MED16: variants seen among roughly 807,000 people sequenced by gnomAD.
The protein encoded by MED16 is mediator of RNA polymerase II transcription subunit 16.
MED16 carries 81 observed loss-of-function variants against 84.4 expected under a neutral mutation model. That is an observed-to-expected ratio of 0.96 (90% CI 0.80 to 1.15). The LOEUF (loss-of-function observed/expected upper bound fraction) is 1.15. MED16 is among the 50% of genes most tolerant of loss of function. MED16 has a pLI of 0.00. For missense variants in MED16, 1,585 were observed against 1,245.9 expected, an observed-to-expected ratio of 1.27 and a Z score of -4.10; for synonymous variants, 897 against 552.2, an observed-to-expected ratio of 1.62 and a Z score of -8.76.
At chr19:880,266 C>T (rs1345211359) in intron 7 of MED16, 118 bp from the exon 8 acceptor site, 22 of 920,736 alleles carry the variant, frequency 2.4e-5, no homozygotes, top group Non-Finnish European at 3.2e-5. Flanking sequence ...GGGGTCAGCC[C>T]CCGCCAATCG....
chr19:890,896 G>C (rs140168220), intron 2 of MED16, 67 bp downstream of exon 2: 1 of 1,536,396 alleles, frequency 6.5e-7, no homozygotes, highest in Non-Finnish European at 8.8e-7. Flanking sequence ...GCAGTGGGCC[G>C]GGCACCTGGG....
In MED16 at chr19:873,420, GC is replaced by G. The variant is rs770949420; in HGVS notation, c.1905+28del. 2.5e-6 allele frequency: 4 copies of G among 1,595,376 alleles called. No homozygotes were observed. In the South Asian group the frequency reaches 3.3e-5, roughly 13 times the overall value. ...GATGAGATGGGGGCCCAGGTGGGGG[GC>G]GGGGCCTTAGGGGAGAGCATGGCGC... is the stretch of plus-strand genomic sequence containing the variant. On this transcript the variant is annotated intron_variant, in intron 11 of 15. Coordinates refer to ENST00000325464, the MANE Select transcript of MED16 (RefSeq NM_005481.3).
chr19:876,826 C>T lies in MED16; in HGVS notation c.1560+148G>A, dbSNP rs970108589. ...TGCTGGCACTTTACTGACCACGGGG[C>T]CCCTGCCTGCCACAGGGACAGCCCC... is the stretch of plus-strand genomic sequence containing the variant. On this transcript the variant is annotated intron_variant, in intron 9 of 15. Coordinates refer to ENST00000325464, the MANE Select transcript of MED16 (RefSeq NM_005481.3). 11 of 724,262 alleles carry T rather than the reference C, an allele frequency of 1.5e-5. 1 individual carries two copies. The Admixed American group carries it at 3.1e-4, about 20-fold the overall frequency. The allele number at this position is 724,262 out of a possible 1,614,324, so 44.9% of individuals were successfully genotyped here. A position where few individuals can be genotyped will look rare whatever the true frequency, so the allele number is the denominator to read the frequency against.
At chr19:879,659 T>G (rs28414042) in intron 8 of MED16, among the ~76,000 whole-genome samples, 9 of 89,774 alleles carry the variant, frequency 1.0e-4, no homozygotes, top group Admixed American at 2.2e-4. Flanking sequence ...GTTCCCCTGG[T>G]TGTCAATGCC....
At chr19:871,728 G>C in intron 12 of MED16, 198 bp downstream of exon 12, 2 of 1,123,736 alleles carry the variant, frequency 1.8e-6, no homozygotes, top group Non-Finnish European at 1.3e-6. Flanking sequence ...TCTGGCGGGG[G>C]GCTCAGGCAG....
chr19:892,936 G>A (rs1222418147), intron 1 of MED16, 150 bp downstream of exon 1: 1 of 114,378 alleles, frequency 8.7e-6, no homozygotes, highest in African/African-American at 3.4e-5. Flanking sequence ...CCCGCGCCCC[G>A]CGCCCCAGGC....
At position 890,263 on chromosome 19, in the gene MED16, G is replaced by C. The variant is rs777383203; in HGVS notation, c.170-19C>G. 1 of 1,496,088 alleles carries C rather than the reference G, an allele frequency of 6.7e-7. No homozygotes were observed. The highest frequency in any genetic ancestry group is 2.2e-5 in the Admixed American group (1 of 45,214). 92.7% of individuals were successfully genotyped at this position (1,496,088 alleles called of 1,614,324 possible). ...GTCAGGTCTGTGGGGACGGGGCATG[G>C]TCAGCACGGCCTGGCACCACAGCCT... is the stretch of plus-strand genomic sequence containing the variant. On this transcript the variant is annotated intron_variant, in intron 2 of 15. Transcript: ENST00000325464.
intron 14 of MED16, 76 bp downstream of exon 14, chr19:868,787 T>C (rs1223845976): frequency 2.8e-6 from 4 of 1,447,350 alleles, no homozygotes; most frequent in South Asian, 2.5e-5. Flanking sequence ...TCTGGAGCGC[T>C]GGGTGGGGGC....
In MED16 at chr19:875,284, G is replaced by T; in HGVS notation, c.1731C>A (p.Gly577=). 6.5e-7 allele frequency: 1 copy of T among 1,531,432 alleles called. No homozygotes were observed. The highest frequency in any genetic ancestry group is 8.8e-7 in the Non-Finnish European group (1 of 1,141,866). The allele number at this position is 1,531,432 out of a possible 1,614,324, so 94.9% of individuals were successfully genotyped here. A position where few individuals can be genotyped will look rare whatever the true frequency, so the allele number is the denominator to read the frequency against. ...TGGTGCAGATCTCGGTCAGCCGGTC[G>T]CCGGGGCTCTTGTCAGGCGTGTTGA... ...HFLNTPDKSP[G]DRLTEICTKI... The change falls in exon 10 of 16, where the codon GGC becomes GGA. Residue 577 remains glycine, a synonymous_variant. Transcript: ENST00000325464.
At position 868,261 on chromosome 19, in the gene MED16, G is replaced by A. The variant is rs369584567; in HGVS notation, c.2484-10C>T. On this transcript the variant is annotated splice_polypyrimidine_tract_variant and intron_variant, in intron 15 of 15. Coordinates refer to ENST00000325464, the MANE Select transcript of MED16 (RefSeq NM_005481.3). ...ACGGCCTTCAACAGCCCTGCAGGGC[G>A]GGCTGAGGTTAACCGCGCCGAGGAG... The A allele has an allele frequency of 7.8e-5, 125 of 1,593,166 alleles. 1 individual carries two copies. Among genetic ancestry groups the A allele is most frequent in the East Asian group, 3.6e-4 (16 of 43,966 alleles).
chr19:868,005 T>A lies in MED16; in HGVS notation c.*96A>T. ...TATTGGACCTGTCCTTCCCAGCCGC[T>A]GCTTGTCCAGGTTCAGCGCTCTCCG... On this transcript the variant is annotated 3_prime_UTR_variant, in exon 16 of 16. Coordinates refer to ENST00000325464, the MANE Select transcript of MED16 (RefSeq NM_005481.3). The A allele has an allele frequency of 6.9e-7, 1 of 1,458,616 alleles. No individual in the cohort carries two copies. Among genetic ancestry groups the A allele is most frequent in the Non-Finnish European group, 9.1e-7 (1 of 1,096,186 alleles). 90.4% of individuals were successfully genotyped at this position (1,458,616 alleles called of 1,614,324 possible).
At chr19:879,659 T>C (rs28414042) in intron 8 of MED16, among the ~76,000 whole-genome samples, 146 of 89,582 alleles carry the variant, frequency 1.6e-3, no homozygotes, top group Middle Eastern at 0.012. Flanking sequence ...GTTCCCCTGG[T>C]TGTCAATGCC....
At chr19:876,264 ACT>A (rs1208417859) in intron 9 of MED16, among the ~76,000 whole-genome samples, 1 of 151,912 alleles carries the variant, frequency 6.6e-6, no homozygotes, top group Non-Finnish European at 1.5e-5. Flanking sequence ...CTTCGAGGAC[ACT>A]CTGGGATTGC....
At chr19:869,193 A>AGAGACCCAGTAAAGGGGAC (rs1255650304) in intron 13 of MED16, among the ~76,000 whole-genome samples, 4 of 152,130 alleles carry the variant, frequency 2.6e-5, no homozygotes, top group Admixed American at 1.3e-4. Flanking sequence ...CTTGAGGCTT[A>AGAGACCCAGTAAAGGGGAC]GAGACCCAGT....
intron 5 of MED16, among the ~76,000 whole-genome samples, chr19:885,315 C>T (rs1051542249): frequency 3.3e-5 from 5 of 152,168 alleles, no homozygotes; most frequent in African/African-American, 7.2e-5. Flanking sequence ...GGAATCCAGG[C>T]GACCTGGTGT....
chr19:875,533 T>A, intron 9 of MED16, 79 bp from the exon 10 acceptor site: 2 of 1,196,070 alleles, frequency 1.7e-6, no homozygotes, highest in Non-Finnish European at 2.3e-6. Flanking sequence ...AGAAGAGCAG[T>A]TCGACTCTGA....
At chr19:872,656 G>C (rs913567406) in intron 11 of MED16, among the ~76,000 whole-genome samples, 6 of 151,864 alleles carry the variant, frequency 4.0e-5, no homozygotes, top group African/African-American at 1.5e-4. Flanking sequence ...TACCGGCGGG[G>C]GGGTGGGGGC....
chr19:886,079 C>A lies in MED16; in HGVS notation c.570G>T (p.Val190=), dbSNP rs2036520000. Residue 190 remains valine, a synonymous_variant, in exon 5 of 16, where the codon GTG becomes GTT. Coordinates refer to ENST00000325464, the MANE Select transcript of MED16 (RefSeq NM_005481.3). Reference sequence around the variant, plus strand: ...CCTGCCCGCTGGGCTTCAGCAGGGACACGGTGACCAGGCCGCTGACCGTCA... The same window carrying A: ...CCTGCCCGCTGGGCTTCAGCAGGGAAACGGTGACCAGGCCGCTGACCGTCA... ...IAVTVSGLVT[V]SLLKPSGQVL... 1 of 1,594,582 alleles carries A rather than the reference C, an allele frequency of 6.3e-7. No homozygotes were observed. The highest frequency in any genetic ancestry group is 1.7e-5 in the Admixed American group (1 of 59,612).
chr19:890,763 G>A (rs983078437), intron 2 of MED16, among the ~76,000 whole-genome samples, 200 bp downstream of exon 2: 2 of 152,204 alleles, frequency 1.3e-5, no homozygotes, highest in African/African-American at 2.4e-5. Context: ...ATGTCTCCTG[G>A]CACCAGGTTT....
Sources: gnomAD v4.1 joint callset for allele counts (sites outside exome capture counted in the v4.1 genomes callset) on GRCh38, gnomAD v4.1.1 for gene constraint, MANE v1.5 for transcripts, NCBI Gene and HGNC (gene_info 2026-07-23, HGNC 2026-07-21) for gene names.